The following PCDHGA5 variants were observed in gnomAD, a reference collection of about 807,000 sequenced individuals.
PCDHGA5 encodes the protein protocadherin gamma-A5.
PCDHGA5 carries 36 observed loss-of-function variants against 56.7 expected under a neutral mutation model. The ratio of observed to expected loss-of-function variants is 0.64; its 90% CI spans 0.49 to 0.84. The LOEUF (loss-of-function observed/expected upper bound fraction) is 0.84. Ranked by LOEUF, PCDHGA5 falls within the 40% of genes least tolerant of loss-of-function variation. The pLI, the probability that PCDHGA5 is intolerant of heterozygous loss-of-function variation, is 0.00. For missense variants in PCDHGA5, 1,305 were observed against 1,201.5 expected (o/e 1.09, Z -1.27); for synonymous variants, 563 against 520.2 (o/e 1.08, Z -1.12).
chr5:141,497,191 A>G (rs2099774633), intron 2 of PCDHGA5, among the ~76,000 whole-genome samples: 1 of 126,864 alleles, frequency 7.9e-6, no homozygotes, highest in Admixed American at 8.3e-5. Context: ...TGAGAGGCAG[A>G]GAACAATGTG....
intron 1 of PCDHGA5, chr5:141,433,247 G>A (rs1393219042): frequency 2.8e-6 from 4 of 1,447,840 alleles, no homozygotes; most frequent in Non-Finnish European, 3.8e-6. Context: ...AAGCTGGAAT[G>A]CAGCGGTACG....
Position 141,365,338 on chromosome 5 carries a change from A to G in PCDHGA5, c.1008A>G (p.Thr336=). The G allele has an allele frequency of 6.2e-7, 1 of 1,614,022 alleles. No individual in the cohort carries two copies. The highest frequency in any genetic ancestry group is 8.5e-7 in the Non-Finnish European group (1 of 1,179,892). The change falls in exon 1 of 4, where the codon ACA becomes ACG. Residue 336 remains threonine, a synonymous_variant. Transcript: ENST00000518069. ...ALVASAKVVV[T]VQDVNDNAPE... ...TTGCCAGCGCTAAGGTGGTGGTCAC[A>G]GTACAGGACGTGAATGACAATGCCC...
chr5:141,409,187 A>C, intron 1 of PCDHGA5: 1 of 1,614,024 alleles, frequency 6.2e-7, no homozygotes, highest in Non-Finnish European at 8.5e-7. Flanking sequence ...TGGTCTCTCT[A>C]CCCAGTGTAA....
Position 141,490,765 on chromosome 5 carries a change from G to A in PCDHGA5, c.2422-4042G>A. The A allele has an allele frequency of 6.2e-7, 1 of 1,614,076 alleles. No individual in the cohort carries two copies. The highest frequency in any genetic ancestry group is 8.5e-7 in the Non-Finnish European group (1 of 1,179,914). ...AGCCCCAGCCTCCTCCTTTGTGTAT[G>A]TCAACCCAGAGGATGGACGGATCTT... On this transcript the variant is annotated intron_variant, in intron 1 of 3. Coordinates refer to ENST00000518069, the MANE Select transcript of PCDHGA5 (RefSeq NM_018918.3). This position sits in a 1 kb window ranked among gnomAD's most constrained non-coding sequence, Gnocchi z 5.4.
At chr5:141,457,475 G>T (rs1203288452) in intron 1 of PCDHGA5, among the ~76,000 whole-genome samples, 1 of 152,142 alleles carries the variant, frequency 6.6e-6, no homozygotes, top group East Asian at 1.9e-4. Flanking sequence ...AATAAGCAGG[G>T]CCAGGGTTAG....
Position 141,366,214 on chromosome 5 carries a change from A to G in PCDHGA5, c.1884A>G (p.Thr628=), listed in dbSNP as rs749592795. The G allele has an allele frequency of 4.3e-6, 7 of 1,613,810 alleles. No homozygotes were observed. Among genetic ancestry groups the G allele is most frequent in the South Asian group, 1.1e-5 (1 of 91,080 alleles). Residue 628 remains threonine (T), a synonymous_variant, in exon 1 of 4, where the codon ACA becomes ACG. Transcript: ENST00000518069. ...GGCTGCACACGGGCGAGGTGCGCAC[A>G]GCGCGAGCCCTGCTGGACAGAGACG... is the stretch of plus-strand genomic sequence containing the variant. ...AVGLHTGEVR[T]ARALLDRDAL...
At chr5:141,457,108 T>C (rs186630889) in intron 1 of PCDHGA5, among the ~76,000 whole-genome samples, 40 of 152,338 alleles carry the variant, frequency 2.6e-4, no homozygotes, top group African/African-American at 9.1e-4. Flanking sequence ...TTAAGCAAAA[T>C]ACGACAGCAA....
chr5:141,393,085 ATCGGGAGGAGC>A (rs2092673421), intron 1 of PCDHGA5: 1 of 1,613,542 alleles, frequency 6.2e-7, no homozygotes, highest in African/African-American at 1.3e-5. Flanking sequence ...GGCAGGATAG[ATCGGGAGGAGC>A]TCTGCGCTCA....
At chr5:141,450,790 A>G (rs2098694056) in intron 1 of PCDHGA5, among the ~76,000 whole-genome samples, 1 of 148,832 alleles carries the variant, frequency 6.7e-6, no homozygotes, top group Admixed American at 6.7e-5. Context: ...CCCGGACCTC[A>G]TGATTGTATT....
At position 141,511,516 on chromosome 5, in the gene PCDHGA5, T is replaced by A. The variant is rs2099883825; in HGVS notation, c.*343T>A. ...CTTCCAAATCAATCAGGCCCATCCA[T>A]CCCATGCCTCCCTCCTCCCCACCCC... is the stretch of plus-strand genomic sequence containing the variant. On this transcript the variant is annotated 3_prime_UTR_variant, in exon 4 of 4. Transcript: ENST00000518069. 1 of 365,020 alleles carries A rather than the reference T, an allele frequency of 2.7e-6. No individual in the cohort carries two copies. Among genetic ancestry groups the A allele is most frequent in the Admixed American group, 4.0e-5 (1 of 25,162 alleles). The allele number at this position is 365,020 out of a possible 1,614,324, so 22.6% of individuals were successfully genotyped here.
intron 1 of PCDHGA5, among the ~76,000 whole-genome samples, chr5:141,381,826 C>CTTCTTTTTT (rs1777532522): frequency 2.2e-4 from 16 of 74,296 alleles, no homozygotes; most frequent in African/African-American, 9.3e-4. Context: ...CTTTCTTCTT[C>CTTCTTTTTT]TTTTTTTTTT....
intron 2 of PCDHGA5, among the ~76,000 whole-genome samples, chr5:141,503,598 CAA>C (rs765754054): frequency 2.7e-4 from 18 of 65,718 alleles, no homozygotes; most frequent in Admixed American, 6.9e-4. Flanking sequence ...GACTCCAGCT[CAA>C]AAAAAAAAAA....
chr5:141,384,601 C>G lies in PCDHGA5; in HGVS notation c.2421+17850C>G, dbSNP rs1780261198. On this transcript the variant is annotated intron_variant, in intron 1 of 3. Coordinates refer to ENST00000518069, the MANE Select transcript of PCDHGA5 (RefSeq NM_018918.3). The stretch of plus-strand genomic sequence containing the variant: ...GCCCGAGATCCTGTACCCGGCCCTC[C>G]CCACAGATGGTTCTACTGGCATGGA... The G allele has an allele frequency of 2.5e-6, 4 of 1,614,240 alleles. No homozygotes were observed. The East Asian group carries it at 8.9e-5, about 36-fold the overall frequency.
At chr5:141,395,348 A>T (rs2093219591) in intron 1 of PCDHGA5, 1 of 1,391,964 alleles carries the variant, frequency 7.2e-7, no homozygotes, top group East Asian at 2.4e-5. Flanking sequence ...AAGGTGTATC[A>T]CAGAGTTTTG....
chr5:141,489,206 C>A lies in PCDHGA5; in HGVS notation c.2422-5601C>A. On this transcript the variant is annotated intron_variant, in intron 1 of 3. Transcript: ENST00000518069. This position sits in a 1 kb window ranked among gnomAD's most constrained non-coding sequence, Gnocchi z 4.5. ...TGGGTCTACCTTGGAGACAGGACAG[C>A]ACAGACTTACTCTCCACAAAGGGAC... 2 of 1,439,024 alleles carry A rather than the reference C, an allele frequency of 1.4e-6. No individual in the cohort carries two copies. Among genetic ancestry groups the A allele is most frequent in the Non-Finnish European group, 1.9e-6 (2 of 1,060,928 alleles). 89.1% of individuals were successfully genotyped at this position (1,439,024 alleles called of 1,614,324 possible). A position where few individuals can be genotyped will look rare whatever the true frequency, so the allele number is the denominator to read the frequency against.
intron 1 of PCDHGA5, among the ~76,000 whole-genome samples, chr5:141,466,994 T>C (rs944607423): frequency 6.6e-6 from 1 of 152,176 alleles, no homozygotes; most frequent in African/African-American, 2.4e-5. Flanking sequence ...CTTTTGGCAT[T>C]TTTTTGCAAT....
rs192631651 is a variant in PCDHGA5 at position 141,432,052 on chromosome 5, C to T, written c.2422-62755C>T. On this transcript the variant is annotated intron_variant, in intron 1 of 3. Transcript: ENST00000518069. This position sits in a 1 kb window ranked among gnomAD's most constrained non-coding sequence, Gnocchi z 6.0. ...CCGCCACTGACCGGGGAACCCCGCC[C>T]CTATCCACGGAAACTCATATCTCGC... is the stretch of plus-strand genomic sequence containing the variant. The T allele has an allele frequency of 1.2e-6, 2 of 1,614,108 alleles. No individual in the cohort carries two copies. The highest frequency in any genetic ancestry group is 1.3e-5 in the African/African-American group (1 of 74,930).
Position 141,365,174 on chromosome 5 carries a change from C to A in PCDHGA5, c.844C>A (p.Arg282Ser). The change falls in exon 1 of 4, where the codon CGC (arginine) becomes AGC (serine). Residue 282 changes from arginine to serine, a missense_variant. Coordinates refer to ENST00000518069, the MANE Select transcript of PCDHGA5 (RefSeq NM_018918.3). ...AAACGGGAAATTGACCTACTCTTTT[C>A]GCAATGAAGAAGAAAAAATTTCGGA... Reference protein sequence around the residue: ...GINGKLTYSFRNEEEKISETF... With the variant: ...GINGKLTYSFSNEEEKISETF... The A allele has an allele frequency of 6.2e-7, 1 of 1,613,878 alleles. No homozygotes were observed. The highest frequency in any genetic ancestry group is 8.5e-7 in the Non-Finnish European group (1 of 1,179,882).
At position 141,491,290 on chromosome 5, in the gene PCDHGA5, C is replaced by T. The variant is rs747758229; in HGVS notation, c.2422-3517C>T. Reference sequence around the variant, plus strand: ...CAAATCCAGTGACTTCCTCATACACCCTCCTGAGCGTTCAGACCTTACCCT... The same window carrying T: ...CAAATCCAGTGACTTCCTCATACACTCTCCTGAGCGTTCAGACCTTACCCT... On this transcript the variant is annotated intron_variant, in intron 1 of 3. Coordinates refer to ENST00000518069, the MANE Select transcript of PCDHGA5 (RefSeq NM_018918.3). The surrounding 1 kb of genome is among the most constrained non-coding windows in gnomAD (Gnocchi z 6.9). 6.2e-7 allele frequency: 1 copy of T among 1,613,974 alleles called. No homozygotes were observed. Among genetic ancestry groups the T allele is most frequent in the Non-Finnish European group, 8.5e-7 (1 of 1,179,952 alleles).
Sources: gnomAD v4.1 joint callset for allele counts (sites outside exome capture counted in the v4.1 genomes callset) on GRCh38, gnomAD v4.1.1 for gene constraint, Gnocchi (gnomAD v3.1) non-coding constraint, MANE v1.5 for transcripts, NCBI Gene and HGNC (gene_info 2026-07-23, HGNC 2026-07-21) for gene names.